CDK13: variants seen among roughly 807,000 people sequenced by gnomAD.
The protein encoded by CDK13 is cyclin dependent kinase 13.
Under a neutral mutation model 137.6 loss-of-function variants are expected in CDK13, and 40 were observed. The ratio of observed to expected loss-of-function variants is 0.29; its 90% CI spans 0.23 to 0.38. The LOEUF (loss-of-function observed/expected upper bound fraction) is 0.38, where lower values mean the gene tolerates loss of function less well. Ranked by LOEUF, CDK13 falls within the 10% of genes least tolerant of loss-of-function variation. The pLI, the probability that CDK13 is intolerant of heterozygous loss-of-function variation, is 1.00. For synonymous variants in CDK13, 869 were observed against 760.1 expected (o/e 1.14, Z -2.36); for missense variants, 1,704 against 1,951.8 (o/e 0.87, Z 2.39).
At chr7:40,056,559 T>G (rs1015618215) in intron 7 of CDK13, among the ~76,000 whole-genome samples, 1 of 152,204 alleles carries the variant, frequency 6.6e-6, no homozygotes, top group Admixed American at 6.5e-5. Flanking sequence ...ATGGAAGCAA[T>G]GTGTACTATA....
At chr7:39,998,441 A>G (rs1784609089) in intron 3 of CDK13, 1 of 56,162 alleles carries the variant, frequency 1.8e-5, no homozygotes, top group Non-Finnish European at 3.3e-5. Flanking sequence ...CCCCATCTCT[A>G]CCAAAAAAAA....
At chr7:40,083,782 A>G (rs1433311164) in intron 11 of CDK13, among the ~76,000 whole-genome samples, 1 of 152,234 alleles carries the variant, frequency 6.6e-6, no homozygotes, top group Non-Finnish European at 1.5e-5. Flanking sequence ...TATGGAATGT[A>G]TCTTGTTAGA....
intron 5 of CDK13, among the ~76,000 whole-genome samples, chr7:40,041,859 TA>T (rs2150512442): frequency 6.6e-6 from 1 of 152,364 alleles, no homozygotes; most frequent in African/African-American, 2.4e-5. Flanking sequence ...AGTGTTTTAT[TA>T]TTACATTGCT....
chr7:40,078,842 C>T lies in CDK13; in HGVS notation c.3020C>T (p.Pro1007Leu). The change falls in exon 11 of 14, where the codon CCT becomes CTT. Residue 1007 changes from proline to leucine, a missense_variant. Physicochemically the swap from Pro to Leu is moderately conservative, Grantham distance 98. Coordinates refer to ENST00000181839, the MANE Select transcript of CDK13 (RefSeq NM_003718.5). Reference protein sequence around the residue: ...FLRDVEPSKMPPPDLPLWQDC... With the variant: ...FLRDVEPSKMLPPDLPLWQDC... Reference sequence around the variant, plus strand: ...CGAGATGTGGAACCCTCAAAAATGCCTCCACCAGAGTAAGTGACTTTTTAT... The same window carrying T: ...CGAGATGTGGAACCCTCAAAAATGCTTCCACCAGAGTAAGTGACTTTTTAT... 2.1e-6 allele frequency: 3 copies of T among 1,436,088 alleles called. No individual in the cohort carries two copies. Among genetic ancestry groups the T allele is most frequent in the Non-Finnish European group, 2.8e-6 (3 of 1,082,640 alleles). 89.0% of individuals were successfully genotyped at this position (1,436,088 alleles called of 1,614,324 possible). A position where few individuals can be genotyped will look rare whatever the true frequency, so the allele number is the denominator to read the frequency against.
At chr7:40,071,538 ATATTT>A (rs1786422191) in intron 9 of CDK13, 2 of 152,216 alleles carry the variant, frequency 1.3e-5, no homozygotes, top group African/African-American at 4.8e-5. Flanking sequence ...ATATGAAGGA[ATATTT>A]TATAGTGTAC....
intron 1 of CDK13, among the ~76,000 whole-genome samples, chr7:39,965,600 G>A (rs906975459): frequency 1.3e-5 from 2 of 152,120 alleles, no homozygotes; most frequent in Admixed American, 6.5e-5. Flanking sequence ...TTTAATTGGA[G>A]CATTTAGCCC....
chr7:40,037,319 C>T (rs956049970), intron 5 of CDK13, among the ~76,000 whole-genome samples: 1 of 152,080 alleles, frequency 6.6e-6, no homozygotes. Context: ...CTAGGGTTGT[C>T]GTTAGAAGGC....
rs148746243 is a variant in CDK13 at position 39,972,204 on chromosome 7, G to T, written c.1212-15395G>T. Among the ~76,000 whole-genome samples the T allele has an allele frequency of 3.2e-3, 480 of 152,268 alleles. 4 individuals carry two copies. Among genetic ancestry groups the T allele is most frequent in the African/African-American group, 0.01 (436 of 41,556 alleles). On this transcript the variant is annotated intron_variant, in intron 1 of 13. Coordinates refer to ENST00000181839, the MANE Select transcript of CDK13 (RefSeq NM_003718.5). ...CAAAAAGTCAGCCACGTGTCTTTTTGTTGTTGTTGTCGTTACTTTTAATAT... is the reference window on the plus strand; with the variant it reads ...CAAAAAGTCAGCCACGTGTCTTTTTTTTGTTGTTGTCGTTACTTTTAATAT...
At chr7:39,956,603 G>A (rs1787415840) in intron 1 of CDK13, among the ~76,000 whole-genome samples, 1 of 151,088 alleles carries the variant, frequency 6.6e-6, no homozygotes, top group Non-Finnish European at 1.5e-5. Context: ...TTTTTTTTTA[G>A]GGATAGTGTC....
At chr7:40,055,837 C>T (rs1216509673) in intron 7 of CDK13, among the ~76,000 whole-genome samples, 2 of 152,188 alleles carry the variant, frequency 1.3e-5, no homozygotes, top group African/African-American at 4.8e-5. Context: ...AGGCCTCTGC[C>T]TCTCAAAGTG....
chr7:40,073,422 T>TG (rs1786465579), intron 9 of CDK13, among the ~76,000 whole-genome samples: 1 of 152,126 alleles, frequency 6.6e-6, no homozygotes, highest in South Asian at 2.1e-4. Flanking sequence ...GGAGGATTGC[T>TG]GGAGTCCAGT....
intron 5 of CDK13, among the ~76,000 whole-genome samples, chr7:40,037,351 A>C (rs146580719): frequency 1.2e-3 from 178 of 152,304 alleles, no homozygotes; most frequent in African/African-American, 4.2e-3. Context: ...TAGAGAATCC[A>C]CTTCCAAGAT....
chr7:40,019,582 A>G (rs754704053), intron 5 of CDK13, among the ~76,000 whole-genome samples: 1 of 152,120 alleles, frequency 6.6e-6, no homozygotes, highest in Non-Finnish European at 1.5e-5. Flanking sequence ...CCACATTGTG[A>G]GGGTTCATCT....
At chr7:40,022,841 T>G (rs1248033930) in intron 5 of CDK13, among the ~76,000 whole-genome samples, 1 of 151,138 alleles carries the variant, frequency 6.6e-6, no homozygotes, top group Non-Finnish European at 1.5e-5. Context: ...GAAGAAAGTT[T>G]TTTTTCTTTT....
intron 5 of CDK13, among the ~76,000 whole-genome samples, chr7:40,029,733 A>G (rs954659360): frequency 4.6e-5 from 7 of 151,318 alleles, no homozygotes; most frequent in Non-Finnish European, 7.4e-5. Flanking sequence ...GCTCACCACA[A>G]CCTCTGCCTC....
chr7:40,016,562 T>G (rs1785009181), intron 5 of CDK13, among the ~76,000 whole-genome samples: 1 of 152,152 alleles, frequency 6.6e-6, no homozygotes, highest in Non-Finnish European at 1.5e-5. Context: ...AGTCAGATGT[T>G]AAAGTTTGGG....
chr7:39,976,753 C>A (rs552816204), intron 1 of CDK13, among the ~76,000 whole-genome samples: 1 of 152,020 alleles, frequency 6.6e-6, no homozygotes, highest in East Asian at 1.9e-4. Context: ...TATAACAATA[C>A]CCTAAAATAA....
intron 2 of CDK13, among the ~76,000 whole-genome samples, chr7:39,989,067 C>T (rs1583952939): frequency 9.8e-6 from 1 of 101,876 alleles, no homozygotes; most frequent in African/African-American, 3.8e-5. Flanking sequence ...CTGGGTGACA[C>T]AGTAAGACCG....
In CDK13 at chr7:39,972,366, A is replaced by G. The variant is rs1024460964; in HGVS notation, c.1212-15233A>G. On this transcript the variant is annotated intron_variant, in intron 1 of 13. Coordinates refer to ENST00000181839, the MANE Select transcript of CDK13 (RefSeq NM_003718.5). ...TACTGTACAGTTACTGTTTTAAACT[A>G]TAATTTATTAGTCTTTAGTCTCTTC... is the stretch of plus-strand genomic sequence containing the variant. Among the ~76,000 whole-genome samples the G allele has an allele frequency of 5.3e-5, 8 of 152,348 alleles. No homozygotes were observed. The South Asian group carries it at 8.3e-4, about 16-fold the overall frequency.
Sources: gnomAD v4.1 joint callset for allele counts (sites outside exome capture counted in the v4.1 genomes callset) on GRCh38, gnomAD v4.1.1 for gene constraint, MANE v1.5 for transcripts, NCBI Gene and HGNC (gene_info 2026-07-23, HGNC 2026-07-21) for gene names.